The following PAK4 variants were observed in gnomAD, a reference collection of about 807,000 sequenced individuals.
The protein encoded by PAK4 is serine/threonine-protein kinase PAK 4.
PAK4 carries 49 observed loss-of-function variants against 53.5 expected under a neutral mutation model. That is an observed-to-expected ratio of 0.92 (90% CI 0.73 to 1.16). The LOEUF (loss-of-function observed/expected upper bound fraction) is 1.16, where lower values mean the gene tolerates loss of function less well. PAK4 is among the 50% of genes most tolerant of loss of function. The pLI, the probability that PAK4 is intolerant of heterozygous loss-of-function variation, is 0.00. For missense variants in PAK4, 824 were observed against 850.7 expected, an observed-to-expected ratio of 0.97 and a Z score of 0.39; for synonymous variants, 376 against 375.6, an observed-to-expected ratio of 1.00 and a Z score of -0.01.
chr19:39,149,707 T>C (rs1405941394), intron 1 of PAK4, among the ~76,000 whole-genome samples: 2 of 151,936 alleles, frequency 1.3e-5, no homozygotes, highest in East Asian at 1.9e-4. Context: ...ATATAAAAAA[T>C]TAGCTGGGCG....
At chr19:39,177,917 G>T in intron 8 of PAK4, 108 bp downstream of exon 9, 1 of 1,304,236 alleles carries the variant, frequency 7.7e-7, no homozygotes, top group Non-Finnish European at 1.0e-6. Context: ...GCCTGGGATG[G>T]CGCTTACTGT....
Position 39,169,481 on chromosome 19 carries a change from G to A in PAK4, c.-22-51G>A, listed in dbSNP as rs539314611. The A allele has an allele frequency of 7.0e-4, 926 of 1,320,318 alleles. 21 individuals are homozygous for A. The South Asian group carries it at 0.011, about 16-fold the overall frequency. 81.8% of individuals were successfully genotyped at this position (1,320,318 alleles called of 1,614,324 possible). A position where few individuals can be genotyped will look rare whatever the true frequency, so the allele number is the denominator to read the frequency against. ...GGAGGGACAGAGCAGGGGCAGAGGA[G>A]GAAGAGACATGGGCAGGCTCTCACT... is the stretch of plus-strand genomic sequence containing the variant. On this transcript the variant is annotated intron_variant, in intron 1 of 8. Transcript: ENST00000358301.
At chr19:39,159,330 A>G (rs1248276148) in intron 1 of PAK4, among the ~76,000 whole-genome samples, 1 of 152,174 alleles carries the variant, frequency 6.6e-6, no homozygotes, top group Non-Finnish European at 1.5e-5. Context: ...ATTAAGGACT[A>G]TAAGGACAAA....
chr19:39,135,786 G>GCCCCA (rs1555774608), intron 1 of PAK4, among the ~76,000 whole-genome samples: 11 of 148,932 alleles, frequency 7.4e-5, no homozygotes, highest in Non-Finnish European at 4.5e-5. Context: ...GAGGCTCCCG[G>GCCCCA]CCCCCATCTT....
intron 1 of PAK4, among the ~76,000 whole-genome samples, chr19:39,130,231 C>T (rs73930288): frequency 0.12 from 8,273 of 66,768 alleles, 1,039 homozygotes; most frequent in African/African-American, 0.31. Context: ...CAGGGTGGGA[C>T]TGGGGGGGAC....
intron 1 of PAK4, among the ~76,000 whole-genome samples, chr19:39,134,014 G>A (rs1194891929): frequency 6.6e-6 from 1 of 151,894 alleles, no homozygotes; most frequent in African/African-American, 2.4e-5. Flanking sequence ...ACCCCTCCCT[G>A]CCCTCCCCAC....
intron 1 of PAK4, among the ~76,000 whole-genome samples, chr19:39,139,373 C>T (rs929510000): frequency 5.3e-5 from 8 of 152,136 alleles, no homozygotes; most frequent in East Asian, 1.9e-4. Context: ...GGGTACCCAG[C>T]GGGATAAAGG....
chr19:39,167,545 GC>G (rs910394989), intron 1 of PAK4, among the ~76,000 whole-genome samples: 3 of 152,020 alleles, frequency 2.0e-5, no homozygotes, highest in Admixed American at 6.5e-5. Flanking sequence ...GACAAAGGAG[GC>G]CCCCCGTCCG....
At position 39,161,236 on chromosome 19, in the gene PAK4, C is replaced by A. The variant is rs778552931; in HGVS notation, c.-22-8296C>A. Among the ~76,000 whole-genome samples, 98 of 152,308 alleles carry A rather than the reference C, an allele frequency of 6.4e-4. No individual in the cohort carries two copies. Among genetic ancestry groups the A allele is most frequent in the Admixed American group, 4.2e-3 (65 of 15,306 alleles). On this transcript the variant is annotated intron_variant, in intron 1 of 8. Coordinates refer to ENST00000358301, the Ensembl canonical transcript of PAK4. This position sits in a 1 kb window ranked among gnomAD's most constrained non-coding sequence, Gnocchi z 4.5. ...TCATGAACCAAAACGCGGTCCCTGT[C>A]CATATGAGTCACTGACTTAGCGAGG...
chr19:39,153,927 C>CT (rs1259072864), intron 1 of PAK4, among the ~76,000 whole-genome samples: 1 of 152,136 alleles, frequency 6.6e-6, no homozygotes. Context: ...GCTTTTCTCT[C>CT]TGTTTGCCAC....
chr19:39,168,287 A>T (rs1358160572), intron 1 of PAK4: 2 of 152,098 alleles, frequency 1.3e-5, no homozygotes, highest in African/African-American at 4.8e-5. Context: ...CTTCTGTCCC[A>T]CCAGCATCAG....
At chr19:39,126,165 G>T (rs954737803) in intron 1 of PAK4, among the ~76,000 whole-genome samples, 1 of 152,086 alleles carries the variant, frequency 6.6e-6, no homozygotes, top group Non-Finnish European at 1.5e-5. Flanking sequence ...GGGCGCGTTC[G>T]AGGGGTTCTG....
chr19:39,164,166 T>G (rs2074329875), intron 1 of PAK4, among the ~76,000 whole-genome samples: 1 of 150,930 alleles, frequency 6.6e-6, no homozygotes, highest in African/African-American at 2.4e-5. Flanking sequence ...AATCCCAGCT[T>G]CTTGGGAGGC....
At chr19:39,138,449 G>C (rs1327226129) in intron 1 of PAK4, among the ~76,000 whole-genome samples, 2 of 152,248 alleles carry the variant, frequency 1.3e-5, no homozygotes, top group African/African-American at 4.8e-5. Context: ...ACCTGACACT[G>C]AGTCTCCCAA....
chr19:39,165,632 G>T (rs937908645), intron 1 of PAK4, among the ~76,000 whole-genome samples: 2 of 152,224 alleles, frequency 1.3e-5, no homozygotes, highest in African/African-American at 4.8e-5. Context: ...CCAGCCTTCA[G>T]TGCCTTCCAT....
chr19:39,130,246 G>T (rs2073680244), intron 1 of PAK4, among the ~76,000 whole-genome samples: 1 of 148,828 alleles, frequency 6.7e-6, no homozygotes, highest in African/African-American at 2.5e-5. Flanking sequence ...GGGGACCCAG[G>T]CAGAGTGGTC....
At chr19:39,176,482 C>T in intron 6 of PAK4, 108 bp from the exon 8 acceptor site, 2 of 1,464,946 alleles carry the variant, frequency 1.4e-6, no homozygotes, top group South Asian at 2.4e-5. Context: ...GCTCTGACCT[C>T]TGGGCCGCAC....
chr19:39,130,155 GTGGGGTGGTGGGA>G (rs1568494187), intron 1 of PAK4, among the ~76,000 whole-genome samples: 3 of 150,876 alleles, frequency 2.0e-5, no homozygotes, highest in Non-Finnish European at 3.0e-5. Context: ...AGGGGTCAGG[GTGGGGTGGTGGGA>G]CCCAGGCAGA....
chr19:39,159,633 C>T (rs1187365043), intron 1 of PAK4, among the ~76,000 whole-genome samples: 1 of 152,206 alleles, frequency 6.6e-6, no homozygotes, highest in East Asian at 1.9e-4. Context: ...GGTGATCCAC[C>T]TGCCTCGGCC....
Sources: gnomAD v4.1 joint callset for allele counts (sites outside exome capture counted in the v4.1 genomes callset) on GRCh38, gnomAD v4.1.1 for gene constraint, Gnocchi (gnomAD v3.1) non-coding constraint, MANE v1.5 for transcripts, NCBI Gene and HGNC (gene_info 2026-07-23, HGNC 2026-07-21) for gene names.